TRAPPC9: variants seen among roughly 807,000 people sequenced by gnomAD.
TRAPPC9 encodes the protein trafficking protein particle complex subunit 9, also known as IKK2 binding protein.
In TRAPPC9, 83 loss-of-function variants were observed where a neutral mutation model predicts 124.0. That is an observed-to-expected ratio of 0.67 (90% confidence interval 0.56 to 0.80). The LOEUF is 0.80. TRAPPC9 is among the 30% of genes least tolerant of loss of function. The pLI is 0.00. For missense variants in TRAPPC9, 1,302 were observed against 1,508.3 expected (o/e 0.86, Z 2.27); for synonymous variants, 638 against 617.5 (o/e 1.03, Z -0.49).
intron 21 of TRAPPC9, among the ~76,000 whole-genome samples, chr8:139,828,277 C>T (rs779837037): frequency 6.6e-6 from 1 of 152,248 alleles, no homozygotes; most frequent in African/African-American, 2.4e-5. Flanking sequence ...TTTGTATTGG[C>T]TTGTCCTGAA....
intron 17 of TRAPPC9, among the ~76,000 whole-genome samples, chr8:140,039,013 G>A (rs10081453): frequency 6.6e-6 from 1 of 152,086 alleles, no homozygotes; most frequent in African/African-American, 2.4e-5. Flanking sequence ...CAAACCTGCA[G>A]GGTCAAAGCC....
intron 20 of TRAPPC9, among the ~76,000 whole-genome samples, chr8:139,905,213 T>C (rs1075493): frequency 0.28 from 42,146 of 151,182 alleles, 5,976 homozygotes; most frequent in East Asian, 0.4. Context: ...CAAACAAGCA[T>C]GCTCTTATCA....
At chr8:140,185,926 C>T (rs1312399554) in intron 17 of TRAPPC9, among the ~76,000 whole-genome samples, 1 of 152,044 alleles carries the variant, frequency 6.6e-6, no homozygotes, top group Admixed American at 6.6e-5. Flanking sequence ...CAAGGCCTGC[C>T]CCAGACACTG....
chr8:139,855,454 T>C (rs549569822), intron 21 of TRAPPC9, among the ~76,000 whole-genome samples: 13 of 152,296 alleles, frequency 8.5e-5, no homozygotes, highest in African/African-American at 3.1e-4. Flanking sequence ...AACGGCATCA[T>C]CAACATGGCA....
intron 10 of TRAPPC9, among the ~76,000 whole-genome samples, chr8:140,304,198 G>A (rs914139390): frequency 3.0e-4 from 45 of 151,740 alleles, no homozygotes; most frequent in African/African-American, 1.0e-3. Flanking sequence ...GGGTTCCAGT[G>A]ATTCTCTTGC....
At chr8:140,179,226 A>G (rs921803752) in intron 17 of TRAPPC9, among the ~76,000 whole-genome samples, 2 of 152,114 alleles carry the variant, frequency 1.3e-5, no homozygotes, top group African/African-American at 4.8e-5. Flanking sequence ...ACAAATTTCC[A>G]TTGAGGCAAT....
At chr8:140,128,729 G>A (rs1177126279) in intron 17 of TRAPPC9, among the ~76,000 whole-genome samples, 4 of 152,146 alleles carry the variant, frequency 2.6e-5, no homozygotes, top group African/African-American at 9.7e-5. Flanking sequence ...GAGCCGAGAT[G>A]GGGAGCCAGC....
intron 17 of TRAPPC9, among the ~76,000 whole-genome samples, chr8:140,128,245 C>A (rs995154785): frequency 9.9e-5 from 15 of 152,042 alleles, no homozygotes; most frequent in African/African-American, 3.6e-4. Flanking sequence ...TGAGACAGCC[C>A]AAGTGTGGTT....
At chr8:140,069,042 C>T (rs562929152) in intron 17 of TRAPPC9, among the ~76,000 whole-genome samples, 1 of 152,282 alleles carries the variant, frequency 6.6e-6, no homozygotes, top group South Asian at 2.1e-4. Flanking sequence ...GTTCCCAGCA[C>T]AAGCAAAATG....
At chr8:140,351,712 G>T (rs2067583983) in intron 9 of TRAPPC9, among the ~76,000 whole-genome samples, 1 of 152,204 alleles carries the variant, frequency 6.6e-6, no homozygotes, top group Non-Finnish European at 1.5e-5. Flanking sequence ...CCTAGGTTTT[G>T]GTATCCAAGA....
intron 21 of TRAPPC9, among the ~76,000 whole-genome samples, chr8:139,756,469 G>C (rs1213999727): frequency 3.8e-5 from 5 of 132,536 alleles, no homozygotes; most frequent in East Asian, 2.4e-4. Context: ...AGGAGCCAGG[G>C]TTTGGGGATG....
chr8:140,223,248 C>T (rs2063378022), intron 16 of TRAPPC9, among the ~76,000 whole-genome samples: 3 of 152,312 alleles, frequency 2.0e-5, no homozygotes, highest in Admixed American at 2.0e-4. Flanking sequence ...TCAGCTTCCA[C>T]TTGTAAGACA....
chr8:139,962,248 T>C lies in TRAPPC9; in HGVS notation c.2810+26478A>G, dbSNP rs1835403026. ...GCAAAGGCACCACTGGCCGCAGAGA[T>C]TTCCGGGAAGAAAATCGGCACTCCA... is the stretch of plus-strand genomic sequence containing the variant. On this transcript the variant is annotated intron_variant, in intron 19 of 22. Transcript: ENST00000438773. Among the ~76,000 whole-genome samples the C allele has an allele frequency of 1.6e-5, 2 of 124,174 alleles. 1 individual carries two copies. Among genetic ancestry groups the C allele is most frequent in the Admixed American group, 1.7e-4 (2 of 11,726 alleles). The allele number at this position is 124,174 out of a possible 152,430, so 81.5% of individuals were successfully genotyped here.
At chr8:139,917,580 A>C (rs566453228) in intron 19 of TRAPPC9, among the ~76,000 whole-genome samples, 11 of 152,302 alleles carry the variant, frequency 7.2e-5, no homozygotes, top group African/African-American at 2.6e-4. Flanking sequence ...CCAACACCAA[A>C]GCAATGGCGC....
intron 21 of TRAPPC9, among the ~76,000 whole-genome samples, chr8:139,848,646 G>T (rs907922636): frequency 1.3e-5 from 2 of 152,034 alleles, no homozygotes; most frequent in Admixed American, 1.3e-4. Flanking sequence ...ATATAAATAT[G>T]CATGTGTGGG....
intron 15 of TRAPPC9, among the ~76,000 whole-genome samples, chr8:140,255,595 G>A (rs1438679505): frequency 6.6e-6 from 1 of 152,228 alleles, no homozygotes. Flanking sequence ...ATGATTTCGA[G>A]AAGCTGTGGA....
intron 11 of TRAPPC9, among the ~76,000 whole-genome samples, chr8:140,292,463 G>A (rs1351374598): frequency 2.6e-5 from 4 of 152,304 alleles, no homozygotes; most frequent in South Asian, 4.1e-4. Context: ...AGATAAGAAC[G>A]TCTGTTGACC....
At chr8:140,053,459 G>C (rs1402291573) in intron 17 of TRAPPC9, among the ~76,000 whole-genome samples, 3 of 152,226 alleles carry the variant, frequency 2.0e-5, no homozygotes, top group Non-Finnish European at 2.9e-5. Context: ...AATTTGGTAA[G>C]ACTTACTTTG....
intron 21 of TRAPPC9, among the ~76,000 whole-genome samples, chr8:139,816,204 GA>G (rs1435834531): frequency 6.6e-6 from 1 of 152,212 alleles, no homozygotes; most frequent in East Asian, 1.9e-4. Flanking sequence ...TGATAGATGA[GA>G]GGGGGTGATC....
Sources: gnomAD v4.1 joint callset for allele counts (sites outside exome capture counted in the v4.1 genomes callset) on GRCh38, gnomAD v4.1.1 for gene constraint, MANE v1.5 for transcripts, NCBI Gene and HGNC (gene_info 2026-07-23, HGNC 2026-07-21) for gene names.